Variants in HMGCS2 observed in about 807,000 individuals in gnomAD.
The protein encoded by HMGCS2 is hydroxymethylglutaryl-CoA synthase, mitochondrial.
In HMGCS2, 50 loss-of-function variants were observed where a neutral mutation model predicts 57.4. The observed-to-expected ratio is 0.87, with a 90% CI of 0.69 to 1.10. The LOEUF (loss-of-function observed/expected upper bound fraction) is 1.10. Among genes scored for constraint, HMGCS2 ranks in the 50% least tolerant of loss-of-function variants. HMGCS2 has a pLI of 0.00. For synonymous variants in HMGCS2, 254 were observed against 245.1 expected (o/e 1.04, Z -0.34); for missense variants, 627 against 636.5 (o/e 0.99, Z 0.16).
chr1:119,764,901 A>G (rs587671289), intron 1 of HMGCS2, among the ~76,000 whole-genome samples: 1 of 152,208 alleles, frequency 6.6e-6, no homozygotes, highest in African/African-American at 2.4e-5. Flanking sequence ...TCCATGGTAC[A>G]TCTTTTTCTG....
chr1:119,755,919 T>C (rs1295805757), intron 5 of HMGCS2, among the ~76,000 whole-genome samples: 1 of 149,758 alleles, frequency 6.7e-6, no homozygotes, highest in Non-Finnish European at 1.5e-5. Context: ...ATATTTTTTT[T>C]CCATGACATT....
At chr1:119,755,657 G>A (rs886539694) in intron 5 of HMGCS2, 60 bp from the exon 6 acceptor site, 138 of 1,522,982 alleles carry the variant, frequency 9.1e-5, no homozygotes, top group Admixed American at 5.8e-4. Context: ...AGGGAGCAAG[G>A]GGGAAAAGTA....
At chr1:119,752,523 T>C in intron 8 of HMGCS2, 26 bp downstream of exon 8, 1 of 1,612,906 alleles carries the variant, frequency 6.2e-7, no homozygotes, top group Admixed American at 1.7e-5. Context: ...GGGTCTCTCT[T>C]CCTCTCTTCC....
chr1:119,751,060 A>T, intron 8 of HMGCS2, 152 bp from the exon 9 acceptor site: 1 of 675,626 alleles, frequency 1.5e-6, no homozygotes, highest in Non-Finnish European at 2.7e-6. Context: ...ACCAAATAGA[A>T]CACTGGACCC....
At chr1:119,749,042 G>A (rs1170782253) in intron 9 of HMGCS2, among the ~76,000 whole-genome samples, 1 of 152,192 alleles carries the variant, frequency 6.6e-6, no homozygotes, top group Non-Finnish European at 1.5e-5. Flanking sequence ...GCTGGGGGTA[G>A]GCAGGGTCCC....
At chr1:119,757,808 C>T (rs965714210) in intron 4 of HMGCS2, among the ~76,000 whole-genome samples, 2 of 152,244 alleles carry the variant, frequency 1.3e-5, no homozygotes, top group African/African-American at 4.8e-5. Flanking sequence ...ATGTCTCTGA[C>T]TCTACTCTAC....
At chr1:119,759,380 T>C in intron 3 of HMGCS2, 98 bp from the exon 4 acceptor site, 1 of 1,218,098 alleles carries the variant, frequency 8.2e-7, no homozygotes, top group South Asian at 1.2e-5. Flanking sequence ...CTGGTCATTA[T>C]CTGTGTCCCA....
chr1:119,752,729 C>A (rs587667955), intron 7 of HMGCS2, 55 bp from the exon 8 acceptor site: 1 of 1,603,754 alleles, frequency 6.2e-7, no homozygotes, highest in Non-Finnish European at 8.5e-7. Context: ...ATCACTATTG[C>A]CAATCACGAG....
In HMGCS2 at chr1:119,764,439, C is replaced by A. The variant is rs1653146548; in HGVS notation, c.292G>T (p.Val98Phe). 1 of 1,614,110 alleles carries A rather than the reference C, an allele frequency of 6.2e-7. No individual in the cohort carries two copies. The highest frequency in any genetic ancestry group is 8.5e-7 in the Non-Finnish European group (1 of 1,179,940). ...CACAGGGAGTTGATGTCCTCTTGGA[C>A]TGAGCAGAAGCCCATACGGGTCTGG... Reference protein sequence around the residue: ...LGQTRMGFCSVQEDINSLCLT... With the variant: ...LGQTRMGFCSFQEDINSLCLT... The change falls in exon 2 of 10, where the codon GTC (valine) becomes TTC (phenylalanine). Residue 98 changes from valine to phenylalanine, a missense_variant. Physicochemically the swap from Val to Phe is conservative, Grantham distance 50. Transcript: ENST00000369406.
Position 119,759,189 on chromosome 1 carries a change from T to G in HMGCS2, c.779A>C (p.Gln260Pro), listed in dbSNP as rs1652951110. ...TCGATCCAAGGCCCGCAAGTAGCAC[T>G]GGATGGAAAGCTTCCCATCCACTAT... is the stretch of plus-strand genomic sequence containing the variant. ...YPIVDGKLSI[Q>P]CYLRALDRCY... Residue 260 changes from glutamine (Q) to proline (P), a missense_variant, in exon 4 of 10, where the codon CAG (glutamine) becomes CCG (proline). Coordinates refer to ENST00000369406, the MANE Select transcript of HMGCS2 (RefSeq NM_005518.4). The G allele has an allele frequency of 6.2e-7, 1 of 1,614,112 alleles. No individual in the cohort carries two copies. Among genetic ancestry groups the G allele is most frequent in the Non-Finnish European group, 8.5e-7 (1 of 1,180,038 alleles).
chr1:119,750,853 C>T lies in HMGCS2; in HGVS notation c.1476G>A (p.Leu492=). 1 of 1,614,096 alleles carries T rather than the reference C, an allele frequency of 6.2e-7. No individual in the cohort carries two copies. The highest frequency in any genetic ancestry group is 8.5e-7 in the Non-Finnish European group (1 of 1,179,984). The change falls in exon 9 of 10, where the codon CTG becomes CTA. Residue 492 remains leucine, a synonymous_variant. Transcript: ENST00000369406. ...GGCGATGCTGCTCGTCCACTCGCTC[C>T]AGGTACCAAGTACCTGGGAAAAGGC... The part of the protein sequence containing the change: ...TNSLFPGTWY[L]ERVDEQHRRK...
At chr1:119,755,688 T>TG (rs1459095899) in intron 5 of HMGCS2, 91 bp from the exon 6 acceptor site, 3 of 1,149,008 alleles carry the variant, frequency 2.6e-6, no homozygotes, top group African/African-American at 3.0e-5. Flanking sequence ...GAGAGGACTT[T>TG]GGGGCGCATG....
At chr1:119,761,540 A>C (rs1653039308) in intron 2 of HMGCS2, among the ~76,000 whole-genome samples, 2 of 152,246 alleles carry the variant, frequency 1.3e-5, no homozygotes, top group African/African-American at 4.8e-5. Flanking sequence ...CCGAGGCAGG[A>C]GGATTGTGAG....
At chr1:119,754,558 A>G (rs1056701488) in intron 6 of HMGCS2, among the ~76,000 whole-genome samples, 25 of 152,194 alleles carry the variant, frequency 1.6e-4, no homozygotes, top group African/African-American at 2.4e-5. Context: ...AAATGAATAG[A>G]AATAACATCC....
chr1:119,753,295 G>A lies in HMGCS2; in HGVS notation c.1279C>T (p.Gln427Ter), dbSNP rs779938993. Residue 427 changes from glutamine to a stop codon, truncating the protein, a stop_gained, in exon 7 of 10, where the codon CAG becomes TAG. Coordinates refer to ENST00000369406, the MANE Select transcript of HMGCS2 (RefSeq NM_005518.4). LOFTEE classifies it high-confidence loss of function. ...TGACACTCACCTGGAGCAGCATCCT[G>A]GGATACTCGAAATGAAAAGAAACTT... ...AASFFSFRVS[Q>*]DAAPGSPLDK... is the part of the protein sequence containing the mutation. The A allele has an allele frequency of 1.2e-6, 2 of 1,609,742 alleles. No individual in the cohort carries two copies. Among genetic ancestry groups the A allele is most frequent in the African/African-American group, 2.7e-5 (2 of 74,718 alleles).
intron 3 of HMGCS2, chr1:119,759,495 A>G (rs184874303): frequency 1.6e-6 from 1 of 614,866 alleles, no homozygotes; most frequent in East Asian, 2.8e-5. Context: ...CCTCACCTAC[A>G]TGGGCTTAAC....
At chr1:119,758,360 A>G (rs989062352) in intron 4 of HMGCS2, among the ~76,000 whole-genome samples, 2 of 151,902 alleles carry the variant, frequency 1.3e-5, no homozygotes, top group Non-Finnish European at 2.9e-5. Flanking sequence ...CAGCCTTCTG[A>G]GTAGCTGGGA....
Position 119,748,270 on chromosome 1 carries a change from A to T in HMGCS2, c.*577T>A, listed in dbSNP as rs374153483. 6.6e-6 allele frequency: 1 copy of T among 152,260 alleles called. No individual in the cohort carries two copies. The highest frequency in any genetic ancestry group is 2.4e-5 in the African/African-American group (1 of 41,470). 9.4% of individuals were successfully genotyped at this position (152,260 alleles called of 1,614,324 possible). On this transcript the variant is annotated 3_prime_UTR_variant, in exon 10 of 10. Coordinates refer to ENST00000369406, the MANE Select transcript of HMGCS2 (RefSeq NM_005518.4). Reference sequence around the variant, plus strand: ...AAATAGAATGGAATTGCAAGGGGACAGAGGCAGCCTGTGAGGCAAGGACCC... The same window carrying T: ...AAATAGAATGGAATTGCAAGGGGACTGAGGCAGCCTGTGAGGCAAGGACCC...
At chr1:119,758,673 A>T (rs1463360012) in intron 4 of HMGCS2, among the ~76,000 whole-genome samples, 1 of 152,278 alleles carries the variant, frequency 6.6e-6, no homozygotes, top group Non-Finnish European at 1.5e-5. Context: ...GAGAAAAATC[A>T]CTGATAACAC....
Sources: gnomAD v4.1 joint callset for allele counts (sites outside exome capture counted in the v4.1 genomes callset) on GRCh38, gnomAD v4.1.1 for gene constraint, MANE v1.5 for transcripts, NCBI Gene and HGNC (gene_info 2026-07-23, HGNC 2026-07-21) for gene names.